The following AFG2A variants were observed in gnomAD, a reference collection of about 807,000 sequenced individuals.
AFG2A encodes ATPase family gene 2 protein homolog A.
chr4:122,989,633 T>G, the AFG2A span, among the ~76,000 whole-genome samples: 1 of 152,120 alleles, frequency 6.6e-6, no homozygotes, highest in African/African-American at 2.4e-5. Context: ...GGCTCTTGTG[T>G]AGGCCTAGAG....
chr4:123,001,175 T>C, the AFG2A span, among the ~76,000 whole-genome samples: 1 of 148,218 alleles, frequency 6.7e-6, no homozygotes, highest in Non-Finnish European at 1.5e-5. Flanking sequence ...TTTTATTGCG[T>C]TTATTTGATT....
chr4:123,158,494 T>C, the AFG2A span, among the ~76,000 whole-genome samples: 4 of 152,312 alleles, frequency 2.6e-5, no homozygotes, highest in East Asian at 7.7e-4. Context: ...GGTATAACAA[T>C]AGTAGAGATG....
the AFG2A span, among the ~76,000 whole-genome samples, chr4:123,199,719 C>G: frequency 6.6e-6 from 1 of 152,096 alleles, no homozygotes; most frequent in Admixed American, 6.5e-5. Context: ...GTCTGCCCGC[C>G]TCAGGCTCCC....
the AFG2A span, among the ~76,000 whole-genome samples, chr4:123,083,616 T>C: frequency 6.6e-6 from 1 of 151,292 alleles, no homozygotes; most frequent in Non-Finnish European, 1.5e-5. Context: ...TTGCACAAGC[T>C]GGAGTGTAGT....
the AFG2A span, among the ~76,000 whole-genome samples, chr4:123,016,579 G>A: frequency 1.3e-5 from 2 of 150,416 alleles, no homozygotes; most frequent in Non-Finnish European, 3.0e-5. Flanking sequence ...CCGGGTAGAG[G>A]TGCTCCTCAC....
At chr4:123,115,211 GCTC>G in the AFG2A span, among the ~76,000 whole-genome samples, 4 of 147,874 alleles carry the variant, frequency 2.7e-5, no homozygotes, top group African/African-American at 5.0e-5. Context: ...GCAGCCTGGG[GCTC>G]CTCCTCGCAC....
chr4:122,979,345 A>G, the AFG2A span: 1 of 1,614,112 alleles, frequency 6.2e-7, no homozygotes, highest in African/African-American at 1.3e-5. Flanking sequence ...GAATGATATC[A>G]GACCCAGTGC....
chr4:123,023,955 G>A, the AFG2A span, among the ~76,000 whole-genome samples: 1 of 151,976 alleles, frequency 6.6e-6, no homozygotes, highest in Non-Finnish European at 1.5e-5. Context: ...GCCCCCCACC[G>A]AGAGCGCATG....
chr4:122,936,007 A>G, the AFG2A span: 33 of 1,315,748 alleles, frequency 2.5e-5, no homozygotes, highest in East Asian at 8.0e-4. Flanking sequence ...AATTTTAAGT[A>G]TTATAGAAAT....
At chr4:123,024,663 T>A in the AFG2A span, among the ~76,000 whole-genome samples, 10 of 152,352 alleles carry the variant, frequency 6.6e-5, no homozygotes, top group African/African-American at 2.4e-4. Context: ...AATCTGGCTT[T>A]AGCCTTAACC....
the AFG2A span, among the ~76,000 whole-genome samples, chr4:123,167,633 C>A: frequency 6.6e-6 from 1 of 152,196 alleles, no homozygotes; most frequent in African/African-American, 2.4e-5. Context: ...AGGCGTGAGC[C>A]ACTGTGCCCG....
chr4:123,083,950 C>A, the AFG2A span, among the ~76,000 whole-genome samples: 2 of 151,972 alleles, frequency 1.3e-5, no homozygotes, highest in Non-Finnish European at 2.9e-5. Flanking sequence ...TTTGTGCTTT[C>A]TGTTTTGAAA....
the AFG2A span, among the ~76,000 whole-genome samples, chr4:123,096,870 T>C: frequency 2.0e-5 from 3 of 152,166 alleles, no homozygotes; most frequent in East Asian, 5.8e-4. Context: ...GCATTAATTT[T>C]CCTTACAGTT....
At chr4:123,112,052 A>G in the AFG2A span, among the ~76,000 whole-genome samples, 2 of 152,274 alleles carry the variant, frequency 1.3e-5, no homozygotes, top group Admixed American at 6.5e-5. Context: ...AACTTTATGA[A>G]CACTATTAAT....
the AFG2A span, among the ~76,000 whole-genome samples, chr4:123,155,123 C>T: frequency 2.6e-5 from 4 of 152,218 alleles, no homozygotes; most frequent in East Asian, 3.9e-4. Flanking sequence ...GTCTCACTCT[C>T]GCCCAGGCTG....
the AFG2A span, among the ~76,000 whole-genome samples, chr4:123,128,508 G>C: frequency 7.2e-5 from 11 of 152,096 alleles, no homozygotes; most frequent in African/African-American, 2.7e-4. Context: ...GAAGTAATTT[G>C]GGGAGATTGT....
chr4:123,225,971 A>C, the AFG2A span, among the ~76,000 whole-genome samples: 3 of 152,080 alleles, frequency 2.0e-5, no homozygotes, highest in South Asian at 4.1e-4. Flanking sequence ...CTCTTTGAAG[A>C]AATTGTGAAT....
the AFG2A span, among the ~76,000 whole-genome samples, chr4:123,259,624 T>G: frequency 6.6e-5 from 10 of 152,246 alleles, no homozygotes; most frequent in Non-Finnish European, 1.2e-4. Flanking sequence ...TGGTTATCAC[T>G]ATTGTTTTCT....
the AFG2A span, among the ~76,000 whole-genome samples, chr4:123,265,573 T>A: frequency 6.6e-6 from 1 of 152,094 alleles, no homozygotes; most frequent in African/African-American, 2.4e-5. Flanking sequence ...GCCATACCTG[T>A]ATTGCTAACT....
Sources: gnomAD v4.1 joint callset for allele counts (sites outside exome capture counted in the v4.1 genomes callset) on GRCh38, gnomAD v4.1.1 for gene constraint, MANE v1.5 for transcripts, NCBI Gene and HGNC (gene_info 2026-07-23, HGNC 2026-07-21) for gene names.